The following NOTCH4 variants were observed in gnomAD, a reference collection of about 807,000 sequenced individuals.
NOTCH4 encodes notch receptor 4.
Under a neutral mutation model 189.0 loss-of-function variants are expected in NOTCH4, and 138 were observed. The observed-to-expected ratio is 0.73, with a 90% confidence interval of 0.64 to 0.84. NOTCH4 has a LOEUF of 0.84. Ranked by LOEUF, NOTCH4 falls within the 40% of genes least tolerant of loss-of-function variation. The pLI, the probability that NOTCH4 is intolerant of heterozygous loss-of-function variation, is 0.00. For missense variants in NOTCH4, 2,286 were observed against 2,605.4 expected, an observed-to-expected ratio of 0.88 and a Z score of 2.67; for synonymous variants, 942 against 1,032.8, an observed-to-expected ratio of 0.91 and a Z score of 1.69.
chr6:32,195,705 C>A lies in NOTCH4; in HGVS notation c.5744G>T (p.Arg1915Met), dbSNP rs780494568. Residue 1915 changes from arginine (R) to methionine (M), a missense_variant, in exon 30 of 30, where the codon AGG (arginine) becomes ATG (methionine). Physicochemically the swap from Arg to Met is moderately conservative, Grantham distance 91 (BLOSUM62 -1). Around this residue, in one of 2 missense-constraint regions of NOTCH4, gnomAD observed 383 missense variants for 343.5 expected, o/e 1.11. Transcript: ENST00000375023. The surrounding 1 kb of genome is among the most constrained non-coding windows in gnomAD (Gnocchi z 5.4). ...AGGCCCGCGCATGCCTGCAGAAAAC[C>A]TACGGCCGCGAGGGGTCGGGCCTCC... is the stretch of plus-strand genomic sequence containing the variant. ...AGGGPTPRGRRFSAGMRGPRP... is the reference protein window; with the variant it reads ...AGGGPTPRGRMFSAGMRGPRP... 27 of 1,612,852 alleles carry A rather than the reference C, an allele frequency of 1.7e-5. No individual in the cohort carries two copies. The African/African-American group carries it at 2.8e-4, about 17-fold the overall frequency.
Position 32,214,238 on chromosome 6 carries a change from T to A in NOTCH4, c.2039A>T (p.Asp680Val). The change falls in exon 13 of 30, where the codon GAC (aspartate) becomes GTC (valine). Residue 680 changes from aspartate to valine, a missense_variant. Coordinates refer to ENST00000375023, the MANE Select transcript of NOTCH4 (RefSeq NM_004557.4). ...GHCQRSSCVC[D>V]VGWTGPECEA... ...ACACTCTGGCCCCGTCCAACCCACG[T>A]CACACACACATGAGGATCTGGTTGT... 6.2e-7 allele frequency: 1 copy of A among 1,613,300 alleles called. No individual in the cohort carries two copies. Among genetic ancestry groups the A allele is most frequent in the East Asian group, 2.2e-5 (1 of 44,832 alleles).
At position 32,201,232 on chromosome 6, in the gene NOTCH4, A is replaced by C. The variant is rs765918039; in HGVS notation, c.4024T>G (p.Tyr1342Asp). 6.2e-7 allele frequency: 1 copy of C among 1,612,968 alleles called. No homozygotes were observed. The highest frequency in any genetic ancestry group is 8.5e-7 in the Non-Finnish European group (1 of 1,179,996). ...TTTTCTTCAGCCCGGGCCCCAGGAT[A>C]GGGGTACACCATGTCCCTGCCATCA... ...DRDGRDMVYPYPGARAEEKLG... is the reference protein window; with the variant it reads ...DRDGRDMVYPDPGARAEEKLG... The change falls in exon 22 of 30, where the codon TAT (tyrosine) becomes GAT (aspartate). Residue 1342 changes from tyrosine to aspartate, a missense_variant. Coordinates refer to ENST00000375023, the MANE Select transcript of NOTCH4 (RefSeq NM_004557.4). The surrounding 1 kb of genome is among the most constrained non-coding windows in gnomAD (Gnocchi z 5.5).
At position 32,212,951 on chromosome 6, in the gene NOTCH4, G is replaced by A. The variant is rs763640886; in HGVS notation, c.2439-40C>T. On this transcript the variant is annotated intron_variant, in intron 15 of 29. Coordinates refer to ENST00000375023, the MANE Select transcript of NOTCH4 (RefSeq NM_004557.4). This position sits in a 1 kb window ranked among gnomAD's most constrained non-coding sequence, Gnocchi z 4.4. ...GACAGGGCATGATAGGAAGAAGTTC[G>A]GGCAACAAGGGGAAGGTAGTGTGTG... is the stretch of plus-strand genomic sequence containing the variant. 50 of 1,509,222 alleles carry A rather than the reference G, an allele frequency of 3.3e-5. No homozygotes were observed. Among genetic ancestry groups the A allele is most frequent in the Non-Finnish European group, 4.3e-5 (48 of 1,104,884 alleles). 93.5% of individuals were successfully genotyped at this position (1,509,222 alleles called of 1,614,324 possible). A position where few individuals can be genotyped will look rare whatever the true frequency, so the allele number is the denominator to read the frequency against.
In NOTCH4 at chr6:32,217,252, G is replaced by T. The variant is rs767357300; in HGVS notation, c.1639C>A (p.Arg547=). Residue 547 remains arginine, a synonymous_variant, in exon 10 of 30, where the codon CGA becomes AGA. Coordinates refer to ENST00000375023, the MANE Select transcript of NOTCH4 (RefSeq NM_004557.4). This position sits in a 1 kb window ranked among gnomAD's most constrained non-coding sequence, Gnocchi z 4.2. ...CICLPGFSGT[R]CEEDIDECRS... The stretch of plus-strand genomic sequence containing the variant: ...CACTCATCGATATCCTCCTCACATC[G>T]GGTGCCGGAGAATCCTGGTGGGGCG... 3.1e-6 allele frequency: 5 copies of T among 1,612,452 alleles called. No homozygotes were observed. The highest frequency in any genetic ancestry group is 4.2e-6 in the Non-Finnish European group (5 of 1,179,560).
rs373338034 is a variant in NOTCH4 at position 32,212,461 on chromosome 6, C to T, written c.2680+13G>A. On this transcript the variant is annotated intron_variant, in intron 17 of 29. Coordinates refer to ENST00000375023, the MANE Select transcript of NOTCH4 (RefSeq NM_004557.4). This position sits in a 1 kb window ranked among gnomAD's most constrained non-coding sequence, Gnocchi z 4.4. ...TCTTCATTTGCTCTCCAGTCAGTGC[C>T]GGCGTTGGTTACCTTGGCTCAGTGC... 1.3e-5 allele frequency: 20 copies of T among 1,596,266 alleles called. No individual in the cohort carries two copies. Among genetic ancestry groups the T allele is most frequent in the Middle Eastern group, 1.7e-4 (1 of 5,980 alleles).
At chr6:32,213,076 G>A (rs1789133599) in intron 15 of NOTCH4, 59 bp downstream of exon 15, 2 of 1,350,014 alleles carry the variant, frequency 1.5e-6, no homozygotes, top group Non-Finnish European at 2.1e-6. Flanking sequence ...GGAGATGAGA[G>A]GAGGGGTGGG....
At chr6:32,213,275 G>T in intron 14 of NOTCH4, 23 bp from the exon 15 acceptor site, 1 of 1,567,290 alleles carries the variant, frequency 6.4e-7, no homozygotes, top group Non-Finnish European at 8.8e-7. Flanking sequence ...GGCTGTGAGG[G>T]TTTGGGTTCC....
chr6:32,216,927 A>G lies in NOTCH4; in HGVS notation c.1861+18T>C. ...ATAAAATATTCTGCCAGTTCTTTCC[A>G]GTGCCTCCCCTGTGAACCTGTGAAA... On this transcript the variant is annotated intron_variant, in intron 11 of 29. Transcript: ENST00000375023. 1 of 1,613,062 alleles carries G rather than the reference A, an allele frequency of 6.2e-7. No homozygotes were observed. The highest frequency in any genetic ancestry group is 1.3e-5 in the African/African-American group (1 of 75,060).
Position 32,201,562 on chromosome 6 carries a change from A to G in NOTCH4, c.3756-62T>C. The G allele has an allele frequency of 7.1e-7, 1 of 1,418,190 alleles. No individual in the cohort carries two copies. The highest frequency in any genetic ancestry group is 9.2e-7 in the Non-Finnish European group (1 of 1,085,148). The allele number at this position is 1,418,190 out of a possible 1,614,324, so 87.9% of individuals were successfully genotyped here. Reference sequence around the variant, plus strand: ...AAAACCTGACTCTTTTCTTCACCCTAGAAAGAATTCCCCATATTTTGTGCC... The same window carrying G: ...AAAACCTGACTCTTTTCTTCACCCTGGAAAGAATTCCCCATATTTTGTGCC... On this transcript the variant is annotated intron_variant, in intron 21 of 29. Transcript: ENST00000375023. This position sits in a 1 kb window ranked among gnomAD's most constrained non-coding sequence, Gnocchi z 5.5.
In NOTCH4 at chr6:32,223,013, C is replaced by T. The variant is rs778245247; in HGVS notation, c.147G>A (p.Gly49=). ...GTCLSLSLGQ[G]TCQCAPGFLG... ...CTGCAAGGCACACTCACTGGCAGGTCCCTTGTCCCAGAGACAGGCTCAGGC... is the reference window on the plus strand; with the variant it reads ...CTGCAAGGCACACTCACTGGCAGGTTCCTTGTCCCAGAGACAGGCTCAGGC... Residue 49 remains glycine (G), a synonymous_variant, in exon 2 of 30, where the codon GGG becomes GGA. Coordinates refer to ENST00000375023, the MANE Select transcript of NOTCH4 (RefSeq NM_004557.4). 1 of 1,613,384 alleles carries T rather than the reference C, an allele frequency of 6.2e-7. No homozygotes were observed. The highest frequency in any genetic ancestry group is 1.3e-5 in the African/African-American group (1 of 74,826).
rs2127477164 is a variant in NOTCH4, at chr6:32,212,497, C to T, written c.2657G>A (p.Cys886Tyr). The T allele has an allele frequency of 6.2e-7, 1 of 1,612,024 alleles. No homozygotes were observed. The highest frequency in any genetic ancestry group is 8.5e-7 in the Non-Finnish European group (1 of 1,179,414). The change falls in exon 17 of 30, where the codon TGC becomes TAC. Residue 886 changes from cysteine (C) to tyrosine (Y), a missense_variant. Around this residue, in one of 2 missense-constraint regions of NOTCH4, gnomAD observed 1,903 missense variants for 2,261.9 expected, o/e 0.84. Transcript: ENST00000375023. This position sits in a 1 kb window ranked among gnomAD's most constrained non-coding sequence, Gnocchi z 4.4. ...ACCTTGGCTCAGTGCAGCCTTCTGGCAGGAGGACAGTGGAAGGTTGCAGAG... is the reference window on the plus strand; with the variant it reads ...ACCTTGGCTCAGTGCAGCCTTCTGGTAGGAGGACAGTGGAAGGTTGCAGAG... ...GPLCNLPLSS[C>Y]QKAALSQGID...
At chr6:32,205,592 A>G (rs1287692925) in intron 18 of NOTCH4, among the ~76,000 whole-genome samples, 1 of 150,926 alleles carries the variant, frequency 6.6e-6, no homozygotes, top group Non-Finnish European at 1.5e-5. Flanking sequence ...AAGCTGAGTA[A>G]TGGGTGCCCA....
chr6:32,223,880 AT>A lies in NOTCH4; in HGVS notation c.48del (p.Cys17ValfsTer26). 6.4e-7 allele frequency: 1 copy of A among 1,570,546 alleles called. No homozygotes were observed. Among genetic ancestry groups the A allele is most frequent in the Non-Finnish European group, 8.6e-7 (1 of 1,166,634 alleles). On this transcript the variant is annotated frameshift_variant, in exon 1 of 30. Coordinates refer to ENST00000375023, the MANE Select transcript of NOTCH4 (RefSeq NM_004557.4). LOFTEE classifies it high-confidence loss of function. ...CCTCTGGGTCTGACCACTGAGACAC[AT>A]AGCAGCAGCAGCAGCAGCAGCAGCA... ...LLLLLLLLLL[L>X]CVSVVRPRGL...
Position 32,195,868 on chromosome 6 carries a change from A to T in NOTCH4, c.5581T>A (p.Cys1861Ser). 1.3e-6 allele frequency: 2 copies of T among 1,594,190 alleles called. No homozygotes were observed. Residue 1861 changes from cysteine (C) to serine (S), a missense_variant, in exon 30 of 30, where the codon TGC becomes AGC. Transcript: ENST00000375023. This position sits in a 1 kb window ranked among gnomAD's most constrained non-coding sequence, Gnocchi z 5.4. ...PPHGGGALPR[C>S]RTLSAGAGPR... ...CCTGCTCCGGCTGACAGCGTCCGGC[A>T]GCGCGGCAGAGCCCCGCCCCCATGC...
At position 32,212,646 on chromosome 6, in the gene NOTCH4, C is replaced by T. The variant is rs776678401; in HGVS notation, c.2527-19G>A. 1.8e-5 allele frequency: 29 copies of T among 1,600,332 alleles called. No homozygotes were observed. In the South Asian group the frequency reaches 2.1e-4, roughly 12 times the overall value. On this transcript the variant is annotated intron_variant, in intron 16 of 29. Transcript: ENST00000375023. This position sits in a 1 kb window ranked among gnomAD's most constrained non-coding sequence, Gnocchi z 4.4. ...TCAGAGTCTGAGGGGTGGGAGGGAG[C>T]GTGAGGCAGGACATAGCATCAGATT...
chr6:32,197,291 G>A lies in NOTCH4; in HGVS notation c.5052+8C>T. The A allele has an allele frequency of 1.3e-6, 2 of 1,522,666 alleles. No homozygotes were observed. The highest frequency in any genetic ancestry group is 1.3e-5 in the South Asian group (1 of 77,916). 94.3% of individuals were successfully genotyped at this position (1,522,666 alleles called of 1,614,324 possible). ...CCATTCCCTGTAGGGACCTCAGTGT[G>A]TGCTAACCTGGCAGACCTCCCGAGC... is the stretch of plus-strand genomic sequence containing the variant. On this transcript the variant is annotated splice_region_variant and intron_variant, in intron 27 of 29. Transcript: ENST00000375023.
rs1278238700 is a variant in NOTCH4 at position 32,222,731 on chromosome 6, T to C, written c.231A>G (p.Gly77=). Residue 77 remains glycine (G), a synonymous_variant, in exon 3 of 30, where the codon GGA becomes GGG. Coordinates refer to ENST00000375023, the MANE Select transcript of NOTCH4 (RefSeq NM_004557.4). ...PCQNAQLCQN[G]GSCQALLPAP... is the part of the protein sequence containing the mutation. ...CGGGAAGCAGGGCTTGGCAGCTGCC[T>C]CCATTTTGGCAGAGCTGGGCGTTCT... is the stretch of plus-strand genomic sequence containing the variant. 2 of 1,610,570 alleles carry C rather than the reference T, an allele frequency of 1.2e-6. No homozygotes were observed. Among genetic ancestry groups the C allele is most frequent in the East Asian group, 2.2e-5 (1 of 44,858 alleles).
Position 32,196,380 on chromosome 6 carries a change from G to A in NOTCH4, c.5242C>T (p.Arg1748Ter). 6.2e-7 allele frequency: 1 copy of A among 1,613,126 alleles called. No homozygotes were observed. The highest frequency in any genetic ancestry group is 8.5e-7 in the Non-Finnish European group (1 of 1,180,046). Residue 1748 changes from arginine (R) to a stop codon, truncating the protein, a stop_gained, in exon 29 of 30, where the codon CGA becomes TGA. Transcript: ENST00000375023. LOFTEE classifies it high-confidence loss of function. ...GCCTGGAGAAGCGAGCGGGCGGCTC[G>A]GGCGTTGTTCACGGCAGCAGCCCAG... Reference protein sequence around the residue: ...LHWAAAVNNARAARSLLQAGA... With the variant: ...LHWAAAVNNA
At position 32,204,401 on chromosome 6, in the gene NOTCH4, G is replaced by C. The variant is rs765085449; in HGVS notation, c.2866-12C>G. On this transcript the variant is annotated splice_polypyrimidine_tract_variant and intron_variant, in intron 18 of 29. Transcript: ENST00000375023. ...TAGCCTGGGGCACACTGCAGACAAAGAGGATTAGACAGGGAACCAGTGGAT... is the reference window on the plus strand; with the variant it reads ...TAGCCTGGGGCACACTGCAGACAAACAGGATTAGACAGGGAACCAGTGGAT... 6 of 1,612,014 alleles carry C rather than the reference G, an allele frequency of 3.7e-6. No individual in the cohort carries two copies. The highest frequency in any genetic ancestry group is 3.3e-5 in the Admixed American group (2 of 59,974).
Sources: allele counts gnomAD v4.1 joint callset (sites outside exome capture counted in the v4.1 genomes callset), GRCh38; gene constraint gnomAD v4.1.1; regional missense constraint gnomAD v4.1.1; non-coding constraint Gnocchi (gnomAD v3.1); transcripts MANE v1.5; gene names NCBI Gene and HGNC (gene_info 2026-07-23, HGNC 2026-07-21).